Variants in CCDC134 observed in about 807,000 individuals in gnomAD.
CCDC134 encodes coiled-coil domain-containing protein 134.
Under a neutral mutation model 25.6 loss-of-function variants are expected in CCDC134, and 27 were observed. The observed-to-expected ratio is 1.05, with a 90% CI of 0.78 to 1.45. The LOEUF is 1.45. CCDC134 is among the 40% of genes most tolerant of loss of function. The pLI is 0.00. For missense variants in CCDC134, 261 were observed against 286.7 expected, an observed-to-expected ratio of 0.91 and a Z score of 0.65; for synonymous variants, 110 against 115.0, an observed-to-expected ratio of 0.96 and a Z score of 0.28.
At position 41,830,978 on chromosome 22, in the gene CCDC134, C is replaced by T. The variant is rs191079099; in HGVS notation, c.*5155C>T. Among the ~76,000 whole-genome samples, 5 of 151,160 alleles carry T rather than the reference C, an allele frequency of 3.3e-5. No individual in the cohort carries two copies. The highest frequency in any genetic ancestry group is 4.9e-5 in the African/African-American group (2 of 41,082). ...TCTGCTCACCGTAACTTCTGCCTCC[C>T]GGGTTCAAGCAAGTCTCCTGCCTCA... On this transcript the variant is annotated 3_prime_UTR_variant, in exon 7 of 7. Coordinates refer to ENST00000255784, the MANE Select transcript of CCDC134 (RefSeq NM_024821.5).
At chr22:41,818,613 C>T (rs2076633821) in intron 6 of CCDC134, among the ~76,000 whole-genome samples, 2 of 152,164 alleles carry the variant, frequency 1.3e-5, no homozygotes, top group South Asian at 2.1e-4. Context: ...ACCTGTGAAT[C>T]GAGGGTCCTG....
intron 6 of CCDC134, among the ~76,000 whole-genome samples, chr22:41,817,207 C>T (rs2072709419): frequency 6.6e-6 from 1 of 152,126 alleles, no homozygotes; most frequent in Non-Finnish European, 1.5e-5. Flanking sequence ...CAGAAATATA[C>T]AGTCCTCTGT....
chr22:41,814,257 C>T (rs1321003803), intron 6 of CCDC134, among the ~76,000 whole-genome samples: 1 of 152,086 alleles, frequency 6.6e-6, no homozygotes, highest in African/African-American at 2.4e-5. Context: ...GAGCTGGAGA[C>T]CAAGTTTGGG....
At chr22:41,805,073 T>TA (rs1204888545) in intron 1 of CCDC134, among the ~76,000 whole-genome samples, 28 of 146,616 alleles carry the variant, frequency 1.9e-4, no homozygotes, top group Middle Eastern at 3.6e-3. Flanking sequence ...TGTCTCAAAA[T>TA]AAAAAAAAAA....
At chr22:41,805,167 A>T (rs184181255) in intron 1 of CCDC134, among the ~76,000 whole-genome samples, 57 of 152,366 alleles carry the variant, frequency 3.7e-4, no homozygotes, top group African/African-American at 1.3e-3. Flanking sequence ...ATGGTGGCTC[A>T]CGCCTGTAAT....
Position 41,808,926 on chromosome 22 carries a change from CCTG to C in CCDC134, c.39_41del (p.Leu15del). 6.2e-7 allele frequency: 1 copy of C among 1,614,190 alleles called. No individual in the cohort carries two copies. Among genetic ancestry groups the C allele is most frequent in the Non-Finnish European group, 8.5e-7 (1 of 1,180,048 alleles). On this transcript the variant is annotated inframe_deletion, in exon 2 of 7. Transcript: ENST00000255784. ...TTCAATTCCTGGCCTTCCTCTTTGT[CCTG>C]CTTTTGTCTGGGATGGGAGCCACAG...
At chr22:41,818,595 T>A (rs1398128011) in intron 6 of CCDC134, among the ~76,000 whole-genome samples, 1 of 152,232 alleles carries the variant, frequency 6.6e-6, no homozygotes, top group East Asian at 1.9e-4. Flanking sequence ...GCCTGAGTAC[T>A]TGGGGGAACC....
rs1204366047 is a variant in CCDC134, at chr22:41,810,204, C to T, written c.226-3C>T. The T allele has an allele frequency of 6.2e-7, 1 of 1,613,868 alleles. No individual in the cohort carries two copies. The highest frequency in any genetic ancestry group is 8.5e-7 in the Non-Finnish European group (1 of 1,179,880). On this transcript the variant is annotated splice_polypyrimidine_tract_variant and splice_region_variant and intron_variant, in intron 3 of 6. Transcript: ENST00000255784. Reference sequence around the variant, plus strand: ...CCACTCAGCCCTGGCGGGATTCCCTCAGGTGCTGGAGGACTCCCGGACAGT... The same window carrying T: ...CCACTCAGCCCTGGCGGGATTCCCTTAGGTGCTGGAGGACTCCCGGACAGT...
chr22:41,831,016 G>T lies in CCDC134; in HGVS notation c.*5193G>T, dbSNP rs1417021109. ...GTCTCCTGCCTCAGCTTCCTGAGTA[G>T]CTGGGATTACAGGCATGCACCATCA... On this transcript the variant is annotated 3_prime_UTR_variant, in exon 7 of 7. Transcript: ENST00000255784. Among the ~76,000 whole-genome samples the T allele has an allele frequency of 2.7e-5, 4 of 150,868 alleles. No homozygotes were observed. The highest frequency in any genetic ancestry group is 4.4e-5 in the Non-Finnish European group (3 of 67,926).
chr22:41,816,302 A>G (rs1325656270), intron 6 of CCDC134, among the ~76,000 whole-genome samples: 2 of 152,352 alleles, frequency 1.3e-5, no homozygotes, highest in African/African-American at 4.8e-5. Flanking sequence ...GTATAATCCA[A>G]GGCTACTCAG....
chr22:41,809,982 G>C lies in CCDC134; in HGVS notation c.207G>C (p.Met69Ile), dbSNP rs2076586464. 2 of 1,614,138 alleles carry C rather than the reference G, an allele frequency of 1.2e-6. No individual in the cohort carries two copies. Among genetic ancestry groups the C allele is most frequent in the Non-Finnish European group, 1.7e-6 (2 of 1,180,014 alleles). ...AGCAGTACAAGATCCTTGATGTCAT[G>C]CTCAAGGGGCTCTTTAAGGTGTGTG... ...IHQQYKILDV[M>I]LKGLFKVLED... The change falls in exon 3 of 7, where the codon ATG becomes ATC. Residue 69 changes from methionine (M) to isoleucine (I), a missense_variant. Physicochemically the swap from Met to Ile is conservative, Grantham distance 10. Coordinates refer to ENST00000255784, the MANE Select transcript of CCDC134 (RefSeq NM_024821.5).
intron 1 of CCDC134, among the ~76,000 whole-genome samples, chr22:41,802,699 G>A (rs2148301549): frequency 6.6e-6 from 1 of 152,262 alleles, no homozygotes; most frequent in East Asian, 1.9e-4. Flanking sequence ...CGGATCATGA[G>A]GTGAGGAGAT....
intron 1 of CCDC134, among the ~76,000 whole-genome samples, chr22:41,804,335 T>G (rs531681379): frequency 6.6e-6 from 1 of 152,226 alleles, no homozygotes; most frequent in Non-Finnish European, 1.5e-5. Context: ...AAAGTTCATC[T>G]AGTTTCAACT....
chr22:41,803,951 G>A (rs952313210), intron 1 of CCDC134, among the ~76,000 whole-genome samples: 4 of 151,820 alleles, frequency 2.6e-5, no homozygotes, highest in Non-Finnish European at 4.4e-5. Flanking sequence ...CTAACATGGT[G>A]AAACCCCGTC....
Position 41,806,562 on chromosome 22 carries a change from G to A in CCDC134, c.-16-2313G>A, listed in dbSNP as rs897005095. On this transcript the variant is annotated intron_variant, in intron 1 of 6. Coordinates refer to ENST00000255784, the MANE Select transcript of CCDC134 (RefSeq NM_024821.5). ...ATGGAAGTTCATTATAATCAGCAGT[G>A]GACAAGGAAATTTGTCAATTTGTTA... is the stretch of plus-strand genomic sequence containing the variant. Among the ~76,000 whole-genome samples, 7 of 151,820 alleles carry A rather than the reference G, an allele frequency of 4.6e-5. No individual in the cohort carries two copies. The East Asian group carries it at 1.2e-3, about 25-fold the overall frequency.
intron 1 of CCDC134, among the ~76,000 whole-genome samples, chr22:41,802,024 C>T (rs1351227120): frequency 6.6e-6 from 1 of 152,186 alleles, no homozygotes; most frequent in Non-Finnish European, 1.5e-5. Flanking sequence ...GATGTCCTCA[C>T]AGAAAGATTT....
At chr22:41,806,873 C>T (rs1602234971) in intron 1 of CCDC134, among the ~76,000 whole-genome samples, 1 of 152,056 alleles carries the variant, frequency 6.6e-6, no homozygotes, top group Non-Finnish European at 1.5e-5. Flanking sequence ...ATGGCAAAAC[C>T]CCGTTGCTAC....
intron 1 of CCDC134, among the ~76,000 whole-genome samples, chr22:41,806,278 G>A (rs566206952): frequency 6.8e-6 from 1 of 147,738 alleles, no homozygotes; most frequent in East Asian, 2.0e-4. Flanking sequence ...GAGTGCAGTG[G>A]TGCGATCTCG....
rs759246969 is a variant in CCDC134 at position 41,813,833 on chromosome 22, A to G, written c.564+11A>G. The stretch of plus-strand genomic sequence containing the variant: ...ATCGACCGCACAGAGGTGAGCTGCC[A>G]GGGCCTATGCCTGTGTCTGCTTTGC... On this transcript the variant is annotated intron_variant, in intron 6 of 6. Transcript: ENST00000255784. The G allele has an allele frequency of 6.2e-7, 1 of 1,613,410 alleles. No individual in the cohort carries two copies. Among genetic ancestry groups the G allele is most frequent in the Non-Finnish European group, 8.5e-7 (1 of 1,179,332 alleles).
Sources: allele counts gnomAD v4.1 joint callset (sites outside exome capture counted in the v4.1 genomes callset), GRCh38; gene constraint gnomAD v4.1.1; transcripts MANE v1.5; gene names NCBI Gene and HGNC (gene_info 2026-07-23, HGNC 2026-07-21).